SH3GL2: variants seen among roughly 807,000 people sequenced by gnomAD.
SH3GL2 encodes endophilin-A1.
A neutral mutation model predicts 46.0 loss-of-function variants in SH3GL2; 24 were observed. The observed-to-expected ratio is 0.52, with a 90% confidence interval of 0.38 to 0.73. The LOEUF (loss-of-function observed/expected upper bound fraction) is 0.73. SH3GL2 is among the 30% of genes least tolerant of loss of function. SH3GL2 has a pLI of 0.00. For synonymous variants in SH3GL2, 196 were observed against 147.1 expected (o/e 1.33, Z -2.40); for missense variants, 413 against 424.2 (o/e 0.97, Z 0.23).
intron 1 of SH3GL2, among the ~76,000 whole-genome samples, chr9:17,730,687 A>G (rs953605679): frequency 1.3e-5 from 2 of 152,224 alleles, no homozygotes; most frequent in East Asian, 3.9e-4. Context: ...GAATTTTACA[A>G]AGGCCTTTTC....
At chr9:17,638,213 A>C (rs550498308) in intron 1 of SH3GL2, among the ~76,000 whole-genome samples, 15 of 152,224 alleles carry the variant, frequency 9.9e-5, no homozygotes, top group African/African-American at 3.6e-4. Context: ...ATGTTTTGCA[A>C]GATATCCTAG....
chr9:17,733,423 C>T (rs1822237162), intron 1 of SH3GL2, among the ~76,000 whole-genome samples: 1 of 151,878 alleles, frequency 6.6e-6, no homozygotes. Context: ...CTATCCCTAC[C>T]CATCTCACAC....
At chr9:17,687,443 C>G (rs1228796188) in intron 1 of SH3GL2, among the ~76,000 whole-genome samples, 1 of 112,820 alleles carries the variant, frequency 8.9e-6, no homozygotes, top group East Asian at 2.9e-4. Flanking sequence ...AACACTGAGA[C>G]TGTTTTTGAC....
intron 2 of SH3GL2, among the ~76,000 whole-genome samples, chr9:17,747,647 G>T (rs948270123): frequency 6.6e-6 from 1 of 152,030 alleles, no homozygotes; most frequent in African/African-American, 2.4e-5. Context: ...CTATTGATCA[G>T]AGCCTCTTTT....
intron 1 of SH3GL2, among the ~76,000 whole-genome samples, chr9:17,693,195 C>T (rs948914275): frequency 2.6e-5 from 4 of 152,074 alleles, no homozygotes; most frequent in Non-Finnish European, 4.4e-5. Flanking sequence ...TGGAAATTTA[C>T]TGAGTGTCTG....
chr9:17,795,811 G>C lies in SH3GL2; in HGVS notation c.*68G>C. 2.3e-6 allele frequency: 3 copies of C among 1,311,666 alleles called. No individual in the cohort carries two copies. The highest frequency in any genetic ancestry group is 2.6e-5 in the South Asian group (2 of 75,822). 81.3% of individuals were successfully genotyped at this position (1,311,666 alleles called of 1,614,324 possible). On this transcript the variant is annotated 3_prime_UTR_variant, in exon 9 of 9. Transcript: ENST00000380607. ...TACGGTTAACCACTGCTTTGGCAAT[G>C]CTGCTTATAACACATCCCAAGTGCA... is the stretch of plus-strand genomic sequence containing the variant.
intron 1 of SH3GL2, among the ~76,000 whole-genome samples, chr9:17,719,977 AAC>A (rs1821853304): frequency 7.0e-6 from 1 of 143,178 alleles, no homozygotes; most frequent in African/African-American, 3.0e-5. Context: ...AATTAAAAAA[AAC>A]CTCCTCTTTA....
At chr9:17,750,817 A>C (rs78420719) in intron 2 of SH3GL2, among the ~76,000 whole-genome samples, 132 of 152,300 alleles carry the variant, frequency 8.7e-4, no homozygotes, top group African/African-American at 3.0e-3. Context: ...ATTTACTTGG[A>C]AAGTGCCTCC....
chr9:17,660,160 G>T (rs1323229977), intron 1 of SH3GL2, among the ~76,000 whole-genome samples: 1 of 152,212 alleles, frequency 6.6e-6, no homozygotes, highest in African/African-American at 2.4e-5. Context: ...CATTAAGTTG[G>T]TTTGCCATTC....
intron 1 of SH3GL2, among the ~76,000 whole-genome samples, chr9:17,745,918 G>A (rs1030132746): frequency 6.6e-6 from 1 of 152,098 alleles, no homozygotes; most frequent in African/African-American, 2.4e-5. Context: ...TTAGGGAAAA[G>A]CATCTATCTT....
At chr9:17,726,945 A>G (rs1263475134) in intron 1 of SH3GL2, among the ~76,000 whole-genome samples, 1 of 152,174 alleles carries the variant, frequency 6.6e-6, no homozygotes, top group African/African-American at 2.4e-5. Context: ...CACAGTAATT[A>G]TACTACAAGG....
At chr9:17,648,373 A>G (rs567241244) in intron 1 of SH3GL2, among the ~76,000 whole-genome samples, 27 of 152,294 alleles carry the variant, frequency 1.8e-4, no homozygotes, top group African/African-American at 3.8e-4. Context: ...TATCTACACA[A>G]AGGTACATAG....
chr9:17,784,739 A>T (rs1298111454), intron 3 of SH3GL2, among the ~76,000 whole-genome samples: 2 of 152,166 alleles, frequency 1.3e-5, no homozygotes, highest in African/African-American at 2.4e-5. Context: ...TAAAAAAGAG[A>T]CAGGCTCTTG....
intron 1 of SH3GL2, among the ~76,000 whole-genome samples, chr9:17,608,393 G>A (rs199668199): frequency 1.3e-5 from 2 of 151,978 alleles, no homozygotes; most frequent in East Asian, 1.9e-4. Flanking sequence ...TGATCTGCCC[G>A]CCTTGGCCTC....
chr9:17,768,087 C>G, intron 3 of SH3GL2, among the ~76,000 whole-genome samples: 1 of 152,064 alleles, frequency 6.6e-6, no homozygotes, highest in Non-Finnish European at 1.5e-5. Flanking sequence ...GATTCTTAAT[C>G]AGGGCTGGGC....
At position 17,623,705 on chromosome 9, in the gene SH3GL2, T is replaced by TACACACAC. The variant is rs10660392; in HGVS notation, c.45+44443_45+44450dup. On this transcript the variant is annotated intron_variant, in intron 1 of 8. Transcript: ENST00000380607. Reference sequence around the variant, plus strand: ...ATATTTAACCCTATTTATAATTTCCTACACACACACACACACACACACACA... The same window carrying TACACACAC: ...ATATTTAACCCTATTTATAATTTCCTACACACACACACACACACACACACACACACACA... Among the ~76,000 whole-genome samples the TACACACAC allele has an allele frequency of 7.0e-3, 1,031 of 147,894 alleles. 13 individuals are homozygous for TACACACAC. The highest frequency in any genetic ancestry group is 0.031 in the South Asian group (141 of 4,546).
chr9:17,780,009 G>A (rs184980554), intron 3 of SH3GL2, among the ~76,000 whole-genome samples: 34 of 152,226 alleles, frequency 2.2e-4, no homozygotes, highest in Admixed American at 1.1e-3. Context: ...AATCGCCTTT[G>A]GGATTTTAAA....
chr9:17,696,868 C>G (rs1821216254), intron 1 of SH3GL2, among the ~76,000 whole-genome samples: 1 of 152,234 alleles, frequency 6.6e-6, no homozygotes, highest in Admixed American at 6.5e-5. Context: ...TTGCTCTCCA[C>G]ATGCATAGCA....
At chr9:17,627,140 A>C (rs919035331) in intron 1 of SH3GL2, among the ~76,000 whole-genome samples, 2 of 152,192 alleles carry the variant, frequency 1.3e-5, no homozygotes, top group Non-Finnish European at 2.9e-5. Flanking sequence ...CCAGATTCCA[A>C]AGCCAGAGTT....
Sources: gnomAD v4.1 joint callset for allele counts (sites outside exome capture counted in the v4.1 genomes callset) on GRCh38, gnomAD v4.1.1 for gene constraint, MANE v1.5 for transcripts, NCBI Gene and HGNC (gene_info 2026-07-23, HGNC 2026-07-21) for gene names.